The following BFSP1 variants were observed in gnomAD, a reference collection of about 807,000 sequenced individuals.
The protein encoded by BFSP1 is beaded filament structural protein 1, also known as filensin.
In BFSP1, 38 loss-of-function variants were observed where a neutral mutation model predicts 43.9. The observed-to-expected ratio is 0.87, with a 90% confidence interval of 0.67 to 1.14. The LOEUF is 1.14. BFSP1 is among the 50% of genes most tolerant of loss of function. BFSP1 has a pLI of 0.00. For missense variants in BFSP1, 850 were observed against 875.1 expected, an observed-to-expected ratio of 0.97 and a Z score of 0.36; for synonymous variants, 352 against 354.8, an observed-to-expected ratio of 0.99 and a Z score of 0.09.
intron 1 of BFSP1, among the ~76,000 whole-genome samples, chr20:17,555,147 A>G (rs377735629): frequency 6.6e-6 from 1 of 151,872 alleles, no homozygotes; most frequent in Non-Finnish European, 1.5e-5. Context: ...AAAAATTAAA[A>G]CAAATTAGCC....
At chr20:17,545,959 GA>G (rs1238280058) in intron 1 of BFSP1, among the ~76,000 whole-genome samples, 4 of 152,158 alleles carry the variant, frequency 2.6e-5, no homozygotes, top group Non-Finnish European at 4.4e-5. Context: ...GCTACTCTGT[GA>G]CAGAGTAGCT....
chr20:17,533,494 T>C (rs538664059), upstream of BFSP1, among the ~76,000 whole-genome samples: 11 of 152,346 alleles, frequency 7.2e-5, no homozygotes, highest in South Asian at 2.3e-3. Context: ...CAGCAGGGGC[T>C]GCTCTGCTCC....
intron 5 of BFSP1, among the ~76,000 whole-genome samples, chr20:17,501,993 A>C (rs2033815032): frequency 6.6e-6 from 1 of 152,170 alleles, no homozygotes; most frequent in Admixed American, 6.5e-5. Context: ...AATTATTTGG[A>C]GAGGAAAAGA....
rs1600644667 is a variant in BFSP1 at position 17,508,762 on chromosome 20, T to G, written c.735+127A>C. ...TGGCCACCCACTCAGAAAACCCCGT[T>G]TCTGCCAGGAACATAGGATATGTTC... On this transcript the variant is annotated intron_variant, in intron 5 of 7. Transcript: ENST00000377873. 7 of 953,126 alleles carry G rather than the reference T, an allele frequency of 7.3e-6. No homozygotes were observed. In the East Asian group the frequency reaches 2.1e-4, roughly 29 times the overall value. The allele number at this position is 953,126 out of a possible 1,614,324, so 59.0% of individuals were successfully genotyped here. A position where few individuals can be genotyped will look rare whatever the true frequency, so the allele number is the denominator to read the frequency against.
At chr20:17,560,949 C>G (rs1446708980), upstream of BFSP1, among the ~76,000 whole-genome samples, 1 of 152,136 alleles carries the variant, frequency 6.6e-6, no homozygotes, top group Non-Finnish European at 1.5e-5. Context: ...TCTAAAGTGA[C>G]TTATTCTGAG....
intron 1 of BFSP1, among the ~76,000 whole-genome samples, chr20:17,539,105 C>CTTCT (rs34002192): frequency 0.12 from 7,923 of 64,972 alleles, 1,140 homozygotes; most frequent in Non-Finnish European, 0.17. Flanking sequence ...ATTTCTTCTT[C>CTTCT]TTTTTTTTTT....
At chr20:17,505,388 T>C (rs1237278599) in intron 5 of BFSP1, among the ~76,000 whole-genome samples, 6 of 152,194 alleles carry the variant, frequency 3.9e-5, no homozygotes, top group Non-Finnish European at 8.8e-5. Flanking sequence ...TCCCAGGTGG[T>C]GCCCCCGCTG....
intron 5 of BFSP1, among the ~76,000 whole-genome samples, chr20:17,508,339 A>T (rs1451956923): frequency 6.6e-6 from 1 of 152,234 alleles, no homozygotes; most frequent in East Asian, 1.9e-4. Context: ...AGCTTCACCC[A>T]AAAGGGGTGG....
intron 1 of BFSP1, chr20:17,558,666 T>TG: frequency 6.4e-7 from 1 of 1,550,838 alleles, no homozygotes; most frequent in Non-Finnish European, 8.7e-7. Context: ...ATCCAACACT[T>TG]GCCGTTTATC....
In BFSP1 at chr20:17,507,933, C is replaced by A. The variant is rs1015331355; in HGVS notation, c.735+956G>T. Among the ~76,000 whole-genome samples, 1 of 152,130 alleles carries A rather than the reference C, an allele frequency of 6.6e-6. No individual in the cohort carries two copies. The highest frequency in any genetic ancestry group is 2.4e-5 in the African/African-American group (1 of 41,434). ...GGGATGGGAATTAGGATGTGAACTC[C>A]AAGGTCCCAAAATGAAATCCTGAGC... On this transcript the variant is annotated intron_variant, in intron 5 of 7. Transcript: ENST00000377873. This position sits in a 1 kb window ranked among gnomAD's most constrained non-coding sequence, Gnocchi z 4.4.
At chr20:17,564,556 A>G (rs537499704) in intron 1 of BFSP1, among the ~76,000 whole-genome samples, 2 of 152,074 alleles carry the variant, frequency 1.3e-5, no homozygotes, top group Admixed American at 6.6e-5. Context: ...TTACTAAACT[A>G]CCACTTCTTT....
intron 1 of BFSP1, among the ~76,000 whole-genome samples, chr20:17,553,850 CATATATAT>C (rs869119570): frequency 3.9e-5 from 3 of 77,308 alleles, no homozygotes; most frequent in African/African-American, 1.7e-4. Context: ...CATATATATA[CATATATAT>C]ACACATATAT....
In BFSP1 at chr20:17,496,923, GT is replaced by G. The variant is rs1384905076; in HGVS notation, c.1042+14del. ...AGACAGAAAAAAACAGAAGTCCAGT[GT>G]TGGGGAGCGTTACCTTTCCCACCGG... On this transcript the variant is annotated intron_variant, in intron 7 of 7. Coordinates refer to ENST00000377873, the MANE Select transcript of BFSP1 (RefSeq NM_001195.5). 3 of 1,521,212 alleles carry G rather than the reference GT, an allele frequency of 2.0e-6. No homozygotes were observed. In the East Asian group the frequency reaches 7.6e-5, roughly 39 times the overall value. 94.2% of individuals were successfully genotyped at this position (1,521,212 alleles called of 1,614,324 possible).
intron 1 of BFSP1, among the ~76,000 whole-genome samples, chr20:17,564,927 C>T (rs1259806025): frequency 6.6e-6 from 1 of 151,040 alleles, no homozygotes; most frequent in Non-Finnish European, 1.5e-5. Context: ...TGTGTATACC[C>T]ATGTAACTTT....
At chr20:17,537,939 G>A (rs954681719) in intron 1 of BFSP1, among the ~76,000 whole-genome samples, 1 of 152,020 alleles carries the variant, frequency 6.6e-6, no homozygotes, top group African/African-American at 2.4e-5. Flanking sequence ...GCAATATAAT[G>A]AGACCCTGTC....
chr20:17,499,403 CTTTTTTTTT>C (rs34583097), intron 5 of BFSP1, among the ~76,000 whole-genome samples: 1 of 82,100 alleles, frequency 1.2e-5, no homozygotes, highest in Non-Finnish European at 2.4e-5. Context: ...ACATGCTGGG[CTTTTTTTTT>C]TTTTTTTTTT....
At chr20:17,562,897 G>A (rs2035080044), upstream of BFSP1, 1 of 152,206 alleles carries the variant, frequency 6.6e-6, no homozygotes, top group South Asian at 2.1e-4. Context: ...TGTTCAGAAT[G>A]TATTTTCTAC....
In BFSP1 at chr20:17,495,230, G is replaced by A. The variant is rs76708882; in HGVS notation, c.1043-201C>T. ...GGCCCAGGCTGAGGTCCAGCTGGGCGACTCTGGACAAGTCACTGGATGCCT... is the reference window on the plus strand; with the variant it reads ...GGCCCAGGCTGAGGTCCAGCTGGGCAACTCTGGACAAGTCACTGGATGCCT... On this transcript the variant is annotated intron_variant, in intron 7 of 7. Transcript: ENST00000377873. 6.5e-3 allele frequency among the ~76,000 whole-genome samples: 991 copies of A among 152,306 alleles called. 16 individuals are homozygous for A. Among genetic ancestry groups the A allele is most frequent in the African/African-American group, 0.022 (928 of 41,556 alleles).
At chr20:17,548,180 CAAAAAAAAAAA>C (rs11470598) in intron 1 of BFSP1, among the ~76,000 whole-genome samples, 6 of 119,856 alleles carry the variant, frequency 5.0e-5, no homozygotes, top group Admixed American at 2.7e-4. Context: ...GAAAATAATG[CAAAAAAAAAAA>C]AAAAAAAAGA....
Sources: allele counts gnomAD v4.1 joint callset (sites outside exome capture counted in the v4.1 genomes callset), GRCh38; gene constraint gnomAD v4.1.1; non-coding constraint Gnocchi (gnomAD v3.1); transcripts MANE v1.5; gene names NCBI Gene and HGNC (gene_info 2026-07-23, HGNC 2026-07-21).